The following CD28 variants were observed in gnomAD, a reference collection of about 807,000 sequenced individuals.
CD28 encodes the protein T-cell-specific surface glycoprotein CD28.
A neutral mutation model predicts 21.4 loss-of-function variants in CD28; 8 were observed. The ratio of observed to expected loss-of-function variants is 0.37; its 90% CI spans 0.22 to 0.68. The LOEUF is 0.68. Ranked by LOEUF, CD28 falls within the 30% of genes least tolerant of loss-of-function variation. CD28 has a pLI of 0.55. For missense variants in CD28, 239 were observed against 272.2 expected, an observed-to-expected ratio of 0.88 and a Z score of 0.86; for synonymous variants, 106 against 104.0, an observed-to-expected ratio of 1.02 and a Z score of -0.12.
At chr2:203,726,439 A>G (rs1430474026) in intron 1 of CD28, among the ~76,000 whole-genome samples, 194 bp from the exon 2 acceptor site, 2 of 152,214 alleles carry the variant, frequency 1.3e-5, no homozygotes, top group East Asian at 3.8e-4. Flanking sequence ...CATTCAAAAG[A>G]GGATGAAAAT....
chr2:203,707,559 T>A (rs762668234), intron 1 of CD28, among the ~76,000 whole-genome samples: 1 of 152,226 alleles, frequency 6.6e-6, no homozygotes, highest in Admixed American at 6.5e-5. Context: ...TCGGCCAAAA[T>A]GTATTTTCTT....
chr2:203,708,955 A>G (rs1193488048), intron 1 of CD28, among the ~76,000 whole-genome samples: 2 of 152,124 alleles, frequency 1.3e-5, no homozygotes, highest in African/African-American at 4.8e-5. Context: ...TCCCATCTCT[A>G]CTAAAAATAC....
At chr2:203,732,516 T>C (rs997323886) in intron 3 of CD28, among the ~76,000 whole-genome samples, 1 of 152,202 alleles carries the variant, frequency 6.6e-6, no homozygotes, top group African/African-American at 2.4e-5. Context: ...TTTATAATAA[T>C]CCAGTAGATT....
chr2:203,726,922 T>C lies in CD28; in HGVS notation c.342T>C (p.Ile114=), dbSNP rs777545544. ...VNQTDIYFCK[I]EVMYPPPYLD... Reference sequence around the variant, plus strand: ...AAACAGATATTTACTTCTGCAAAATTGAAGTTATGTATCCTCCTCCTTACC... The same window carrying C: ...AAACAGATATTTACTTCTGCAAAATCGAAGTTATGTATCCTCCTCCTTACC... The change falls in exon 2 of 4, where the codon ATT becomes ATC. Residue 114 remains isoleucine, a synonymous_variant. Coordinates refer to ENST00000324106, the MANE Select transcript of CD28 (RefSeq NM_006139.4). 4 of 1,613,544 alleles carry C rather than the reference T, an allele frequency of 2.5e-6. No homozygotes were observed. The Admixed American group carries it at 6.7e-5, about 27-fold the overall frequency.
At position 203,734,902 on chromosome 2, in the gene CD28, A is replaced by G; in HGVS notation, c.653A>G (p.Tyr218Cys). 1 of 1,614,070 alleles carries G rather than the reference A, an allele frequency of 6.2e-7. No individual in the cohort carries two copies. Among genetic ancestry groups the G allele is most frequent in the Non-Finnish European group, 8.5e-7 (1 of 1,179,956 alleles). The stretch of plus-strand genomic sequence containing the variant: ...GCCCCACCACGCGACTTCGCAGCCT[A>G]TCGCTCCTGACACGGACGCCTATCC... ...PYAPPRDFAA[Y>C]RS The change falls in exon 4 of 4, where the codon TAT (tyrosine) becomes TGT (cysteine). Residue 218 changes from tyrosine to cysteine, a missense_variant. Physicochemically the swap from Tyr to Cys is radical, Grantham distance 194. This residue lies in a region of CD28 where 112 missense variants were observed against 112.8 expected (regional missense o/e 0.99). Transcript: ENST00000324106.
chr2:203,710,480 T>G (rs918207125), intron 1 of CD28, among the ~76,000 whole-genome samples: 1 of 152,230 alleles, frequency 6.6e-6, no homozygotes, highest in South Asian at 2.1e-4. Context: ...TTCAAACTTT[T>G]ACTATGGGTG....
intron 3 of CD28, among the ~76,000 whole-genome samples, chr2:203,731,407 G>A (rs1693885085): frequency 6.6e-6 from 1 of 152,080 alleles, no homozygotes; most frequent in Non-Finnish European, 1.5e-5. Flanking sequence ...CTACCATATG[G>A]CTTTTCAATC....
At chr2:203,728,140 G>A (rs1006175334) in intron 2 of CD28, among the ~76,000 whole-genome samples, 45 of 152,328 alleles carry the variant, frequency 3.0e-4, no homozygotes, top group Non-Finnish European at 5.7e-4. Context: ...AATATACAAA[G>A]AATGCTGGAC....
At chr2:203,724,375 T>A (rs2106118169) in intron 1 of CD28, among the ~76,000 whole-genome samples, 1 of 152,310 alleles carries the variant, frequency 6.6e-6, no homozygotes, top group African/African-American at 2.4e-5. Context: ...CAGCAAACTT[T>A]ATAGTACCTG....
At chr2:203,715,924 C>T (rs193103090) in intron 1 of CD28, among the ~76,000 whole-genome samples, 20 of 152,270 alleles carry the variant, frequency 1.3e-4, no homozygotes, top group Non-Finnish European at 2.6e-4. Context: ...CACATCAGTG[C>T]TATTGCATCA....
intron 1 of CD28, among the ~76,000 whole-genome samples, chr2:203,718,604 T>C (rs1693525124): frequency 6.6e-6 from 1 of 152,222 alleles, no homozygotes; most frequent in South Asian, 2.1e-4. Flanking sequence ...AGTCAGACTA[T>C]GATGTGCATA....
At chr2:203,720,039 T>A (rs1693565509) in intron 1 of CD28, among the ~76,000 whole-genome samples, 1 of 151,752 alleles carries the variant, frequency 6.6e-6, no homozygotes, top group Non-Finnish European at 1.5e-5. Context: ...GCCATTCTCA[T>A]GGAAGTTCAA....
chr2:203,731,606 CTTA>C (rs1455166186), intron 3 of CD28, among the ~76,000 whole-genome samples: 1 of 152,140 alleles, frequency 6.6e-6, no homozygotes, highest in East Asian at 1.9e-4. Context: ...TTATTGAAAA[CTTA>C]TTATAAATAT....
chr2:203,726,702 A>C lies in CD28; in HGVS notation c.122A>C (p.Lys41Thr). 6.2e-7 allele frequency: 1 copy of C among 1,614,142 alleles called. No homozygotes were observed. Among genetic ancestry groups the C allele is most frequent in the Non-Finnish European group, 8.5e-7 (1 of 1,180,016 alleles). Residue 41 changes from lysine (K) to threonine (T), a missense_variant, in exon 2 of 4, where the codon AAG (lysine) becomes ACG (threonine). By Grantham distance (78) the Lys-to-Thr change is moderately conservative (BLOSUM62 -1). Coordinates refer to ENST00000324106, the MANE Select transcript of CD28 (RefSeq NM_006139.4). ...AYDNAVNLSC[K>T]YSYNLFSREF... ...GACAATGCGGTCAACCTTAGCTGCA[A>C]GTATTCCTACAATCTCTTCTCAAGG... is the stretch of plus-strand genomic sequence containing the variant.
At chr2:203,716,163 A>T (rs890173416) in intron 1 of CD28, among the ~76,000 whole-genome samples, 1 of 152,054 alleles carries the variant, frequency 6.6e-6, no homozygotes, top group Non-Finnish European at 1.5e-5. Context: ...TTTCCATCCT[A>T]CATAAATGGA....
At chr2:203,734,670 A>T (rs1693977262) in intron 3 of CD28, 114 bp from the exon 4 acceptor site, 2 of 1,273,296 alleles carry the variant, frequency 1.6e-6, no homozygotes, top group Non-Finnish European at 2.3e-6. Flanking sequence ...AAAAAAGGTT[A>T]GTGTTTTAGT....
intron 1 of CD28, among the ~76,000 whole-genome samples, chr2:203,723,511 A>T (rs1693659553): frequency 6.6e-6 from 1 of 152,068 alleles, no homozygotes; most frequent in Non-Finnish European, 1.5e-5. Context: ...AGTATAAAAA[A>T]TGCATACAGA....
chr2:203,727,743 G>A (rs986666519), intron 2 of CD28, among the ~76,000 whole-genome samples: 41 of 151,506 alleles, frequency 2.7e-4, no homozygotes, highest in Non-Finnish European at 3.8e-4. Flanking sequence ...GCGGTGGCGC[G>A]ATCTCGGCTC....
At chr2:203,709,830 T>C (rs1200861806) in intron 1 of CD28, among the ~76,000 whole-genome samples, 1 of 152,218 alleles carries the variant, frequency 6.6e-6, no homozygotes, top group Non-Finnish European at 1.5e-5. Context: ...TATTTTTCCA[T>C]GAGATCATTC....
Sources: allele counts gnomAD v4.1 joint callset (sites outside exome capture counted in the v4.1 genomes callset), GRCh38; gene constraint gnomAD v4.1.1; regional missense constraint gnomAD v4.1.1; transcripts MANE v1.5; gene names NCBI Gene and HGNC (gene_info 2026-07-23, HGNC 2026-07-21).